Variants in PNMA6F observed in about 807,000 individuals in gnomAD.
PNMA6F encodes paraneoplastic antigen Ma6F.
For synonymous variants in PNMA6F, 14 were observed against 3.4 expected, an observed-to-expected ratio of 4.15 and a Z score of -3.45; for missense variants, 57 against 10.8, an observed-to-expected ratio of 5.25 and a Z score of -5.98.
At chrX:153,320,896 A>C in intron 1 of PNMA6F, 139 bp from the exon 2 acceptor site, 3 of 253,731 alleles carry the variant, frequency 1.2e-5, no homozygotes, top group East Asian at 1.2e-4. Context: ...TGCACCCCCA[A>C]AGCCCTCCCC....
In PNMA6F at chrX:153,320,042, C is replaced by T. The variant is rs1213476497; in HGVS notation, c.633G>A (p.Glu211=). 3 of 357,253 alleles carry T rather than the reference C, an allele frequency of 8.4e-6. No homozygotes were observed. Among genetic ancestry groups the T allele is most frequent in the Non-Finnish European group, 1.4e-5 (3 of 210,284 alleles). The allele number at this position is 357,253 out of a possible 1,213,427, so 29.4% of individuals were successfully genotyped here. A position where few individuals can be genotyped will look rare whatever the true frequency, so the allele number is the denominator to read the frequency against. Residue 211 remains glutamate, a synonymous_variant, in exon 2 of 2, where the codon GAG becomes GAA. Coordinates refer to ENST00000436629, the MANE Select transcript of PNMA6F (RefSeq NM_001354980.2). ...CTCCTGCCTCATCTTCACCTCCTTC[C>T]TCACCTGCGCCTCCTGCCTCACCTG... ...GGAGEAGGAG[E]EGGEDEAGAA...
At position 153,320,539 on chromosome X, in the gene PNMA6F, G is replaced by C; in HGVS notation, c.136C>G (p.Arg46Gly). 3.4e-6 allele frequency: 1 copy of C among 297,415 alleles called. No individual in the cohort carries two copies. The highest frequency in any genetic ancestry group is 5.9e-6 in the Non-Finnish European group (1 of 170,434). 24.5% of individuals were successfully genotyped at this position (297,415 alleles called of 1,213,427 possible). The change falls in exon 2 of 2, where the codon CGA becomes GGA. Residue 46 changes from arginine (R) to glycine (G), a missense_variant. By Grantham distance (125) the Arg-to-Gly change is moderately radical. Transcript: ENST00000436629. ...RAALSPLGRY[R>G]VLIKVFRKEL... ...TTTCTGAAGACCTTGATGAGCACTC[G>C]GTACCTGCCCAGGGGCGACAGGGCA...
Position 153,319,575 on chromosome X carries a change from T to C in PNMA6F, c.1100A>G (p.Lys367Arg). 3.4e-6 allele frequency: 1 copy of C among 298,137 alleles called. No individual in the cohort carries two copies. Among genetic ancestry groups the C allele is most frequent in the Non-Finnish European group, 5.9e-6 (1 of 170,467 alleles). 24.6% of individuals were successfully genotyped at this position (298,137 alleles called of 1,213,427 possible). ...FVVRLEGLLQ[K>R]AVEKGAVHPA... The stretch of plus-strand genomic sequence containing the variant: ...GTGGACCGCCCCCTTCTCCACGGCC[T>C]TCTGCAGCAGGCCTTCCAGGCGCAC... Residue 367 changes from lysine to arginine, a missense_variant, in exon 2 of 2, where the codon AAG (lysine) becomes AGG (arginine). By Grantham distance (26) the Lys-to-Arg change is conservative. Transcript: ENST00000436629.
In PNMA6F at chrX:153,319,153, C is replaced by T. The variant is rs1353198531; in HGVS notation, c.1522G>A (p.Asp508Asn). 2.0e-5 allele frequency: 6 copies of T among 298,001 alleles called. No homozygotes were observed. Among genetic ancestry groups the T allele is most frequent in the Middle Eastern group, 8.7e-4 (1 of 1,156 alleles). The allele number at this position is 298,001 out of a possible 1,213,427, so 24.6% of individuals were successfully genotyped here. ...CTGGCTGGGAGGCCCCCAGGGGCGT[C>T]GGGGGACCTTCCCTGACCTAGGCCT... The part of the protein sequence containing the change: ...LEGLGQGRSP[D>N]APGGLPARMG... The change falls in exon 2 of 2, where the codon GAC becomes AAC. Residue 508 changes from aspartate (D) to asparagine (N), a missense_variant. Asp to Asn is a conservative substitution (Grantham distance 23). Coordinates refer to ENST00000436629, the MANE Select transcript of PNMA6F (RefSeq NM_001354980.2).
intron 1 of PNMA6F, chrX:153,321,222 C>T (rs1286106625): frequency 9.5e-6 from 1 of 105,564 alleles, no homozygotes; most frequent in Non-Finnish European, 2.0e-5. Context: ...ACCAGGAGCC[C>T]CCTCCCTCTT....
In PNMA6F at chrX:153,320,094, TCCTCACCTGCACCTCCTG is replaced by T. The variant is rs781793993; in HGVS notation, c.563_580del (p.Ala188_Glu193del). On this transcript the variant is annotated inframe_deletion, in exon 2 of 2. Transcript: ENST00000436629. ...ACCTCCTTCCTCACCTGTACCTCCT[TCCTCACCTGCACCTCCTG>T]CCTCACCTGCACCTCCTGCCTCACC... is the stretch of plus-strand genomic sequence containing the variant. 4.7e-4 allele frequency: 153 copies of T among 327,079 alleles called. 1 individual carries two copies. Among genetic ancestry groups the T allele is most frequent in the South Asian group, 2.2e-3 (26 of 12,070 alleles). 27.0% of individuals were successfully genotyped at this position (327,079 alleles called of 1,213,427 possible).
Position 153,318,756 on chromosome X carries a change from T to G in PNMA6F, c.*182A>C. The stretch of plus-strand genomic sequence containing the variant: ...GAGCTCCCTCCAGGCCAGCTCCCCA[T>G]TTGGTATCAAACGTGGTCATCTGAG... On this transcript the variant is annotated 3_prime_UTR_variant, in exon 2 of 2. Coordinates refer to ENST00000436629, the MANE Select transcript of PNMA6F (RefSeq NM_001354980.2). 1 of 287,953 alleles carries G rather than the reference T, an allele frequency of 3.5e-6. No individual in the cohort carries two copies. The highest frequency in any genetic ancestry group is 2.7e-5 in the African/African-American group (1 of 36,983). The allele number at this position is 287,953 out of a possible 1,213,427, so 23.7% of individuals were successfully genotyped here. A position where few individuals can be genotyped will look rare whatever the true frequency, so the allele number is the denominator to read the frequency against.
chrX:153,321,694 G>T lies in PNMA6F; in HGVS notation c.-226C>A, dbSNP rs1241122154. Reference sequence around the variant, plus strand: ...CAGTCACGCGGCCGCGCTGCGCAGCGCAGGGGTCTCCAAAGCCCGCTGTGC... The same window carrying T: ...CAGTCACGCGGCCGCGCTGCGCAGCTCAGGGGTCTCCAAAGCCCGCTGTGC... On this transcript the variant is annotated 5_prime_UTR_variant, in exon 1 of 2. Transcript: ENST00000436629. The T allele has an allele frequency of 9.2e-6, 1 of 109,017 alleles. No individual in the cohort carries two copies. Among genetic ancestry groups the T allele is most frequent in the Non-Finnish European group, 1.9e-5 (1 of 52,311 alleles). The allele number at this position is 109,017 out of a possible 1,213,427, so 9.0% of individuals were successfully genotyped here. A position where few individuals can be genotyped will look rare whatever the true frequency, so the allele number is the denominator to read the frequency against.
rs1556958791 is a variant in PNMA6F at position 153,320,167 on chromosome X, C to A, written c.508G>T (p.Ala170Ser). Reference sequence around the variant, plus strand: ...CCTCCTGCCTCACCTGCTGCTCCTGCCTCACCTGCTGCTCCTGCCTCACCT... The same window carrying A: ...CCTCCTGCCTCACCTGCTGCTCCTGACTCACCTGCTGCTCCTGCCTCACCT... ...AAGEAGAAGE[A>S]GAAGEAGGAG... Residue 170 changes from alanine (A) to serine (S), a missense_variant, in exon 2 of 2, where the codon GCA becomes TCA. Coordinates refer to ENST00000436629, the MANE Select transcript of PNMA6F (RefSeq NM_001354980.2). The A allele has an allele frequency of 5.7e-6, 2 of 353,831 alleles. No individual in the cohort carries two copies. The highest frequency in any genetic ancestry group is 5.0e-5 in the Admixed American group (1 of 20,076). 29.2% of individuals were successfully genotyped at this position (353,831 alleles called of 1,213,427 possible). A position where few individuals can be genotyped will look rare whatever the true frequency, so the allele number is the denominator to read the frequency against.
At position 153,319,959 on chromosome X, in the gene PNMA6F, T is replaced by C. The variant is rs1556958735; in HGVS notation, c.716A>G (p.Gln239Arg). 7.0e-5 allele frequency: 22 copies of C among 312,464 alleles called. No individual in the cohort carries two copies. Among genetic ancestry groups the C allele is most frequent in the Non-Finnish European group, 4.4e-5 (8 of 180,696 alleles). The allele number at this position is 312,464 out of a possible 1,213,427, so 25.8% of individuals were successfully genotyped here. A position where few individuals can be genotyped will look rare whatever the true frequency, so the allele number is the denominator to read the frequency against. Residue 239 changes from glutamine (Q) to arginine (R), a missense_variant, in exon 2 of 2, where the codon CAG (glutamine) becomes CGG (arginine). Physicochemically the swap from Gln to Arg is conservative, Grantham distance 43. Transcript: ENST00000436629. ...VVEAWTQSWR[Q>R]TLRPLVKTMA... ...AGTTTTCACCAGAGGCCGCAGGGTC[T>C]GGCGCCATGACTGGGTCCAGGCCTC... is the stretch of plus-strand genomic sequence containing the variant.
chrX:153,319,289 G>T lies in PNMA6F; in HGVS notation c.1386C>A (p.Ser462Arg). 1 of 298,341 alleles carries T rather than the reference G, an allele frequency of 3.4e-6. No individual in the cohort carries two copies. The highest frequency in any genetic ancestry group is 5.9e-6 in the Non-Finnish European group (1 of 170,499). 24.6% of individuals were successfully genotyped at this position (298,341 alleles called of 1,213,427 possible). A position where few individuals can be genotyped will look rare whatever the true frequency, so the allele number is the denominator to read the frequency against. ...AQASPAQGDA[S>R]EADPGAEDAD... ...CATCTTCTGCTCCGGGATCAGCCTC[G>T]CTGGCGTCCCCCTGGGCCGGGGAGG... is the stretch of plus-strand genomic sequence containing the variant. The change falls in exon 2 of 2, where the codon AGC becomes AGA. Residue 462 changes from serine to arginine, a missense_variant. Ser to Arg is a moderately radical substitution (Grantham distance 110). Transcript: ENST00000436629.
In PNMA6F at chrX:153,319,799, CCTT is replaced by C; in HGVS notation, c.873_875del (p.Arg294del). On this transcript the variant is annotated inframe_deletion, in exon 2 of 2. Coordinates refer to ENST00000436629, the MANE Select transcript of PNMA6F (RefSeq NM_001354980.2). ...CATCCAAGCTGTCCAGCAGCCGCCTCCTTCTCTCCCTTTCCGACGCGTGGCACC... is the reference window on the plus strand; with the variant it reads ...CATCCAAGCTGTCCAGCAGCCGCCTCCTCTCCCTTTCCGACGCGTGGCACC... 3.3e-6 allele frequency: 1 copy of C among 301,705 alleles called. No homozygotes were observed. The highest frequency in any genetic ancestry group is 5.8e-6 in the Non-Finnish European group (1 of 173,100). The allele number at this position is 301,705 out of a possible 1,213,427, so 24.9% of individuals were successfully genotyped here.
At position 153,319,414 on chromosome X, in the gene PNMA6F, G is replaced by A. The variant is rs782366092; in HGVS notation, c.1261C>T (p.Arg421Trp). 11 of 297,107 alleles carry A rather than the reference G, an allele frequency of 3.7e-5. No individual in the cohort carries two copies. The highest frequency in any genetic ancestry group is 2.0e-4 in the South Asian group (1 of 4,947). 24.5% of individuals were successfully genotyped at this position (297,107 alleles called of 1,213,427 possible). Residue 421 changes from arginine (R) to tryptophan (W), a missense_variant, in exon 2 of 2, where the codon CGG becomes TGG. Transcript: ENST00000436629. ...PDFLRLLRLI[R>W]DMEAWAASLA... Reference sequence around the variant, plus strand: ...GAGGCTGCCCACGCCTCCATGTCCCGGATGAGCCGCAGCAGCCTCAGGAAG... The same window carrying A: ...GAGGCTGCCCACGCCTCCATGTCCCAGATGAGCCGCAGCAGCCTCAGGAAG...
rs782771678 is a variant in PNMA6F at position 153,320,603 on chromosome X, G to T, written c.72C>A (p.Asp24Glu). The T allele has an allele frequency of 1.8e-4, 53 of 295,769 alleles. 1 individual carries two copies. In the Admixed American group the frequency reaches 2.1e-3, roughly 12 times the overall value. The allele number at this position is 295,769 out of a possible 1,213,427, so 24.4% of individuals were successfully genotyped here. Residue 24 changes from aspartate to glutamate, a missense_variant, in exon 2 of 2, where the codon GAC (aspartate) becomes GAA (glutamate). By Grantham distance (45) the Asp-to-Glu change is conservative (BLOSUM62 2). Coordinates refer to ENST00000436629, the MANE Select transcript of PNMA6F (RefSeq NM_001354980.2). ...ERSLLILDIP[D>E]DCEEHEFQEA... The stretch of plus-strand genomic sequence containing the variant: ...CCTGGAACTCATGTTCCTCGCAGTC[G>T]TCAGGGATATCCAGGATGAGCAGAG...
rs782559717 is a variant in PNMA6F at position 153,318,049 on chromosome X, A to G, written c.*889T>C. Reference sequence around the variant, plus strand: ...AGGGAACACCCCCCCAAGTCAAGGAAACTGAGTCACAAGTAACAACAGGAA... The same window carrying G: ...AGGGAACACCCCCCCAAGTCAAGGAGACTGAGTCACAAGTAACAACAGGAA... On this transcript the variant is annotated 3_prime_UTR_variant, in exon 2 of 2. Coordinates refer to ENST00000436629, the MANE Select transcript of PNMA6F (RefSeq NM_001354980.2). 50 of 117,172 alleles carry G rather than the reference A, an allele frequency of 4.3e-4. No individual in the cohort carries two copies. Among genetic ancestry groups the G allele is most frequent in the Middle Eastern group, 9.1e-3 (2 of 219 alleles). 9.7% of individuals were successfully genotyped at this position (117,172 alleles called of 1,213,427 possible).
chrX:153,319,058 T>C lies in PNMA6F; in HGVS notation c.1617A>G (p.Gly539=). 1 of 311,399 alleles carries C rather than the reference T, an allele frequency of 3.2e-6. No homozygotes were observed. Among genetic ancestry groups the C allele is most frequent in the East Asian group, 4.7e-5 (1 of 21,359 alleles). The allele number at this position is 311,399 out of a possible 1,213,427, so 25.7% of individuals were successfully genotyped here. A position where few individuals can be genotyped will look rare whatever the true frequency, so the allele number is the denominator to read the frequency against. ...GGGGAGGCTCCTCAGCCTCCTGGCC[T>C]CCAACCTGGACAAGGCCCTCTGGCT... is the stretch of plus-strand genomic sequence containing the variant. ...SWEPEGLVQV[G]GQEAEEPPQE... Residue 539 remains glycine, a synonymous_variant, in exon 2 of 2, where the codon GGA becomes GGG. Transcript: ENST00000436629.
chrX:153,321,047 A>G (rs1250129329), intron 1 of PNMA6F: 1 of 107,751 alleles, frequency 9.3e-6, no homozygotes, highest in Non-Finnish European at 1.9e-5. Flanking sequence ...TGCAGCCAGG[A>G]GTCCTCCCCT....
chrX:153,319,803 C>G lies in PNMA6F; in HGVS notation c.872G>C (p.Arg291Thr), dbSNP rs911152566. Residue 291 changes from arginine (R) to threonine (T), a missense_variant, in exon 2 of 2, where the codon AGA (arginine) becomes ACA (threonine). Arg to Thr is a moderately conservative substitution (Grantham distance 71). Coordinates refer to ENST00000436629, the MANE Select transcript of PNMA6F (RefSeq NM_001354980.2). Reference protein sequence around the residue: ...QLWCHASERERRRRLLDSLDG... With the variant: ...QLWCHASERETRRRLLDSLDG... ...CAAGCTGTCCAGCAGCCGCCTCCTT[C>G]TCTCCCTTTCCGACGCGTGGCACCA... 1 of 300,466 alleles carries G rather than the reference C, an allele frequency of 3.3e-6. No individual in the cohort carries two copies. The highest frequency in any genetic ancestry group is 2.7e-5 in the African/African-American group (1 of 36,796). 24.8% of individuals were successfully genotyped at this position (300,466 alleles called of 1,213,427 possible). A position where few individuals can be genotyped will look rare whatever the true frequency, so the allele number is the denominator to read the frequency against.
In PNMA6F at chrX:153,318,031, AC is replaced by A. The variant is rs1377318487; in HGVS notation, c.*906del. The A allele has an allele frequency of 3.5e-5, 4 of 115,221 alleles. No homozygotes were observed. The highest frequency in any genetic ancestry group is 1.9e-5 in the Non-Finnish European group (1 of 52,697). 9.5% of individuals were successfully genotyped at this position (115,221 alleles called of 1,213,427 possible). On this transcript the variant is annotated 3_prime_UTR_variant, in exon 2 of 2. Coordinates refer to ENST00000436629, the MANE Select transcript of PNMA6F (RefSeq NM_001354980.2). ...GGACACTGAAAACACAGCAGGGAAC[AC>A]CCCCCCAAGTCAAGGAAACTGAGTC...
Sources: gnomAD v4.1 joint callset for allele counts on GRCh38, gnomAD v4.1.1 for gene constraint, MANE v1.5 for transcripts, NCBI Gene and HGNC (gene_info 2026-07-23, HGNC 2026-07-21) for gene names.